ASTN2: variants seen among roughly 807,000 people sequenced by gnomAD.
ASTN2 encodes the protein astrotactin-2.
ASTN2 carries 54 observed loss-of-function variants against 139.8 expected under a neutral mutation model. The observed-to-expected ratio is 0.39, with a 90% confidence interval of 0.31 to 0.48. The LOEUF is 0.48. Among genes scored for constraint, ASTN2 ranks in the 20% least tolerant of loss-of-function variants. ASTN2 has a pLI of 0.95. For synonymous variants in ASTN2, 756 were observed against 719.5 expected (o/e 1.05, Z -0.81); for missense variants, 1,565 against 1,725.1 (o/e 0.91, Z 1.64).
chr9:116,999,786 C>T (rs545112540), intron 7 of ASTN2, among the ~76,000 whole-genome samples: 1 of 152,158 alleles, frequency 6.6e-6, no homozygotes, highest in South Asian at 2.1e-4. Context: ...TCTCGAACTC[C>T]TGGCCTCAAG....
intron 10 of ASTN2, among the ~76,000 whole-genome samples, chr9:116,956,227 C>T (rs2132494780): frequency 6.7e-6 from 1 of 150,188 alleles, no homozygotes; most frequent in South Asian, 2.1e-4. Flanking sequence ...TCCCAAGTAG[C>T]TGGGATTACA....
intron 4 of ASTN2, among the ~76,000 whole-genome samples, chr9:117,100,077 C>T (rs947265445): frequency 2.0e-5 from 3 of 152,206 alleles, no homozygotes; most frequent in East Asian, 1.9e-4. Context: ...ATTAGCAGTT[C>T]TCTTAATTGA....
chr9:116,733,338 AG>A, intron 14 of ASTN2, 60 bp downstream of exon 14: 1 of 1,597,302 alleles, frequency 6.3e-7, no homozygotes, highest in Non-Finnish European at 8.6e-7. Context: ...GATATGCACT[AG>A]GTGTGGAGAC....
At chr9:116,718,706 G>GT (rs1179752542) in intron 16 of ASTN2, among the ~76,000 whole-genome samples, 6 of 151,876 alleles carry the variant, frequency 4.0e-5, no homozygotes, top group African/African-American at 1.5e-4. Context: ...TAGGACATTG[G>GT]TTTTTTCCTG....
intron 10 of ASTN2, among the ~76,000 whole-genome samples, chr9:116,890,780 T>A (rs1300520979): frequency 4.6e-5 from 7 of 152,088 alleles, no homozygotes; most frequent in Admixed American, 3.3e-4. Context: ...AGAAGAGAAG[T>A]GACCTTTTCC....
intron 17 of ASTN2, among the ~76,000 whole-genome samples, chr9:116,647,156 C>T (rs555337628): frequency 5.9e-5 from 9 of 152,272 alleles, no homozygotes; most frequent in African/African-American, 9.6e-5. Flanking sequence ...CCTTAATACA[C>T]GCTTGCAATC....
Position 116,805,795 on chromosome 9 carries a change from G to T in ASTN2, c.2233C>A (p.Pro745Thr), listed in dbSNP as rs765465383. 6 of 1,613,704 alleles carry T rather than the reference G, an allele frequency of 3.7e-6. No individual in the cohort carries two copies. The South Asian group carries it at 6.6e-5, about 18-fold the overall frequency. The stretch of plus-strand genomic sequence containing the variant: ...AGCATTAAGCAGGATTTTCCATCAG[G>T]AGCCAGTTTGTACTCCTCCACGCAA... ...CGCVEEYKLA[P>T]DGKSCLMLSD... The change falls in exon 13 of 23, where the codon CCT becomes ACT. Residue 745 changes from proline to threonine, a missense_variant. Around this residue, in one of 4 missense-constraint regions of ASTN2, gnomAD observed 503 missense variants for 591.7 expected, o/e 0.85. Coordinates refer to ENST00000313400, the MANE Select transcript of ASTN2 (RefSeq NM_001365068.1).
intron 17 of ASTN2, among the ~76,000 whole-genome samples, chr9:116,650,437 G>A (rs906340158): frequency 6.6e-6 from 1 of 152,148 alleles, no homozygotes; most frequent in Admixed American, 6.5e-5. Flanking sequence ...ATAAACTCTG[G>A]AGCAGACCAA....
At chr9:116,770,683 T>C (rs1169867758) in intron 13 of ASTN2, among the ~76,000 whole-genome samples, 1 of 152,200 alleles carries the variant, frequency 6.6e-6, no homozygotes, top group Non-Finnish European at 1.5e-5. Context: ...TTCTTTCCAG[T>C]ACTCTCCTGT....
chr9:117,398,021 T>C (rs1490138456), intron 1 of ASTN2, among the ~76,000 whole-genome samples: 1 of 152,254 alleles, frequency 6.6e-6, no homozygotes, highest in Non-Finnish European at 1.5e-5. Flanking sequence ...GTGTCTCATA[T>C]GTATCTGCAT....
At chr9:116,697,439 T>A (rs1016721867) in intron 16 of ASTN2, 6 of 378,668 alleles carry the variant, frequency 1.6e-5, no homozygotes, top group Non-Finnish European at 3.0e-5. Context: ...GCTAAGTAAG[T>A]GTCTGAGACT....
intron 13 of ASTN2, among the ~76,000 whole-genome samples, chr9:116,782,635 C>A (rs550704522): frequency 1.3e-5 from 2 of 152,304 alleles, no homozygotes; most frequent in South Asian, 4.1e-4. Flanking sequence ...ATACTTGCCA[C>A]TTTCTGAACA....
chr9:117,411,622 A>G (rs1588023548), intron 1 of ASTN2, among the ~76,000 whole-genome samples: 1 of 152,134 alleles, frequency 6.6e-6, no homozygotes, highest in Non-Finnish European at 1.5e-5. Context: ...AGTTTGAATA[A>G]ACTAAGAATT....
intron 20 of ASTN2, among the ~76,000 whole-genome samples, chr9:116,475,597 G>T (rs573794381): frequency 1.4e-4 from 22 of 152,326 alleles, no homozygotes; most frequent in Admixed American, 1.4e-3. Flanking sequence ...GAAGACATTG[G>T]GTGCACCCTT....
Position 116,713,609 on chromosome 9 carries a change from A to G in ASTN2, c.2806+12162T>C, listed in dbSNP as rs1047345066. Reference sequence around the variant, plus strand: ...GGGAGAAGAGAAATGCCACACAAAGAGAACTTTGGGAGTGCCCACTTTGGC... The same window carrying G: ...GGGAGAAGAGAAATGCCACACAAAGGGAACTTTGGGAGTGCCCACTTTGGC... On this transcript the variant is annotated intron_variant, in intron 16 of 22. Transcript: ENST00000313400. 3.0e-4 allele frequency among the ~76,000 whole-genome samples: 45 copies of G among 152,206 alleles called. 1 individual carries two copies. The highest frequency in any genetic ancestry group is 1.5e-4 in the Non-Finnish European group (10 of 68,038).
chr9:116,694,459 C>CTTTTTTTTTTT (rs56666915), intron 16 of ASTN2, among the ~76,000 whole-genome samples: 6 of 88,042 alleles, frequency 6.8e-5, no homozygotes, highest in Admixed American at 1.6e-4. Flanking sequence ...TGTAATTTCT[C>CTTTTTTTTTTT]TTTTTTTTTT....
chr9:116,956,213 A>G (rs1412743092), intron 10 of ASTN2, among the ~76,000 whole-genome samples: 1 of 145,816 alleles, frequency 6.9e-6, no homozygotes, highest in Non-Finnish European at 1.5e-5. Flanking sequence ...CTCCTCCCTC[A>G]GCCTCCCAAG....
intron 6 of ASTN2, among the ~76,000 whole-genome samples, chr9:117,039,226 A>G (rs1459635483): frequency 2.0e-5 from 3 of 152,182 alleles, no homozygotes; most frequent in Admixed American, 6.5e-5. Flanking sequence ...TGGTACACAC[A>G]CACCATGGAA....
intron 19 of ASTN2, among the ~76,000 whole-genome samples, chr9:116,509,867 T>C (rs1000534822): frequency 6.6e-6 from 1 of 152,204 alleles, no homozygotes; most frequent in Non-Finnish European, 1.5e-5. Context: ...CTTTTTTTCT[T>C]GTAAATTTGT....
Sources: allele counts gnomAD v4.1 joint callset (sites outside exome capture counted in the v4.1 genomes callset), GRCh38; gene constraint gnomAD v4.1.1; regional missense constraint gnomAD v4.1.1; transcripts MANE v1.5; gene names NCBI Gene and HGNC (gene_info 2026-07-23, HGNC 2026-07-21).